CACNA1B: variants seen among roughly 807,000 people sequenced by gnomAD.
CACNA1B encodes voltage-dependent N-type calcium channel subunit alpha-1B.
Under a neutral mutation model 247.2 loss-of-function variants are expected in CACNA1B, and 70 were observed. The observed-to-expected ratio is 0.28, with a 90% CI of 0.23 to 0.35. The LOEUF (loss-of-function observed/expected upper bound fraction) is 0.35, where lower values mean the gene tolerates loss of function less well. CACNA1B is among the 10% of genes least tolerant of loss of function. The pLI, the probability that CACNA1B is intolerant of heterozygous loss-of-function variation, is 1.00. For synonymous variants in CACNA1B, 1,231 were observed against 1,294.4 expected, an observed-to-expected ratio of 0.95 and a Z score of 1.05; for missense variants, 2,367 against 3,197.4, an observed-to-expected ratio of 0.74 and a Z score of 6.26.
In CACNA1B at chr9:138,050,633, G is replaced by C. The variant is rs768047156; in HGVS notation, c.3710+1318G>C. Among the ~76,000 whole-genome samples, 1 of 152,212 alleles carries C rather than the reference G, an allele frequency of 6.6e-6. No individual in the cohort carries two copies. The highest frequency in any genetic ancestry group is 1.5e-5 in the Non-Finnish European group (1 of 68,032). On this transcript the variant is annotated intron_variant, in intron 24 of 46. Transcript: ENST00000371372. This position sits in a 1 kb window ranked among gnomAD's most constrained non-coding sequence, Gnocchi z 5.2. The stretch of plus-strand genomic sequence containing the variant: ...CCAGTCAGGAGGAGGGGAAGGGGTT[G>C]GGCCCATCCAGGCGGCTTCAGAGCA...
chr9:137,937,786 A>C (rs1054152607), intron 6 of CACNA1B, among the ~76,000 whole-genome samples: 1 of 151,910 alleles, frequency 6.6e-6, no homozygotes, highest in Non-Finnish European at 1.5e-5. Flanking sequence ...TGTCTACTAA[A>C]AATAGAAAAA....
At chr9:137,972,277 C>G (rs1021995883) in intron 11 of CACNA1B, among the ~76,000 whole-genome samples, 1 of 149,434 alleles carries the variant, frequency 6.7e-6, no homozygotes, top group Non-Finnish European at 1.5e-5. Flanking sequence ...AGGATCAAAA[C>G]CAAAGAGTCC....
chr9:138,033,862 G>A (rs888549998), intron 20 of CACNA1B, among the ~76,000 whole-genome samples: 1 of 152,104 alleles, frequency 6.6e-6, no homozygotes, highest in Non-Finnish European at 1.5e-5. Context: ...TTGACACGTG[G>A]GGATTATAGG....
At chr9:137,916,485 C>T (rs562043793) in intron 5 of CACNA1B, among the ~76,000 whole-genome samples, 49 of 152,266 alleles carry the variant, frequency 3.2e-4, no homozygotes, top group African/African-American at 1.0e-3. Context: ...GCTGCCTGCT[C>T]GGTTTCAGCA....
Position 137,957,387 on chromosome 9 carries a change from A to AC in CACNA1B, c.1244-207dup, listed in dbSNP as rs1264077178. Among the ~76,000 whole-genome samples the AC allele has an allele frequency of 1.3e-5, 2 of 151,940 alleles. No individual in the cohort carries two copies. The highest frequency in any genetic ancestry group is 2.9e-5 in the Non-Finnish European group (2 of 67,962). Reference sequence around the variant, plus strand: ...ATTTTGGAAGAAAGGGAAAGCGGGGACCCCTCACCCTCAAAATTCCTTGTC... The same window carrying AC: ...ATTTTGGAAGAAAGGGAAAGCGGGGACCCCCTCACCCTCAAAATTCCTTGTC... On this transcript the variant is annotated intron_variant, in intron 9 of 46. Transcript: ENST00000371372. This position sits in a 1 kb window ranked among gnomAD's most constrained non-coding sequence, Gnocchi z 4.7.
intron 3 of CACNA1B, chr9:137,892,094 C>T: frequency 2.2e-6 from 1 of 457,208 alleles, no homozygotes; most frequent in Non-Finnish European, 4.4e-6. Flanking sequence ...TGCCCTCCTC[C>T]CTCCCCGAGA....
chr9:138,064,032 C>T (rs139690800), intron 31 of CACNA1B, among the ~76,000 whole-genome samples: 2 of 152,178 alleles, frequency 1.3e-5, no homozygotes, highest in African/African-American at 2.4e-5. Flanking sequence ...CCTGGGCACA[C>T]GAGACCACTG....
intron 6 of CACNA1B, among the ~76,000 whole-genome samples, chr9:137,927,471 C>T (rs562795592): frequency 1.3e-5 from 2 of 152,276 alleles, no homozygotes; most frequent in African/African-American, 2.4e-5. Context: ...GATCCGCCCA[C>T]CTCGGATTTG....
At position 138,025,719 on chromosome 9, in the gene CACNA1B, C is replaced by G. The variant is rs76767977; in HGVS notation, c.3286+547C>G. ...TGCTCACTCACATGCTCGGAACAGC[C>G]TTTCCATGCCTGCCTGTGTGCAGTC... On this transcript the variant is annotated intron_variant, in intron 20 of 46. Coordinates refer to ENST00000371372, the MANE Select transcript of CACNA1B (RefSeq NM_000718.4). Among the ~76,000 whole-genome samples, 429 of 152,326 alleles carry G rather than the reference C, an allele frequency of 2.8e-3. 5 individuals carry two copies. The East Asian group carries it at 0.042, about 15-fold the overall frequency.
intron 6 of CACNA1B, among the ~76,000 whole-genome samples, chr9:137,934,357 C>T (rs1316158401): frequency 6.6e-6 from 1 of 152,214 alleles, no homozygotes; most frequent in African/African-American, 2.4e-5. Context: ...AATAGTTGAG[C>T]AGGTGATCCC....
intron 1 of CACNA1B, among the ~76,000 whole-genome samples, 173 bp from the exon 2 acceptor site, chr9:137,878,881 G>A (rs1244622310): frequency 1.3e-5 from 2 of 152,178 alleles, no homozygotes; most frequent in Non-Finnish European, 2.9e-5. Context: ...CCTAGGGATG[G>A]GGGCAGGGAG....
chr9:137,988,525 T>A (rs1958394488), intron 15 of CACNA1B, among the ~76,000 whole-genome samples: 1 of 152,086 alleles, frequency 6.6e-6, no homozygotes, highest in Non-Finnish European at 1.5e-5. Flanking sequence ...CAGATGATGC[T>A]CTGATTCAGA....
intron 6 of CACNA1B, among the ~76,000 whole-genome samples, chr9:137,920,430 C>A (rs1191365510): frequency 6.6e-6 from 1 of 152,188 alleles, no homozygotes; most frequent in Non-Finnish European, 1.5e-5. Flanking sequence ...CTCCTGACCT[C>A]AAGTGATCTA....
rs118052843 is a variant in CACNA1B, at chr9:137,897,742, C to T, written c.530+14859C>T. Among the ~76,000 whole-genome samples, 1,065 of 151,642 alleles carry T rather than the reference C, an allele frequency of 7.0e-3. 26 individuals are homozygous for T. The East Asian group carries it at 0.091, about 13-fold the overall frequency. ...TATTATTATTATTATATTTTTGCAG[C>T]GATCTCAGCTCACTGCAACCTCTGC... On this transcript the variant is annotated intron_variant, in intron 3 of 46. Coordinates refer to ENST00000371372, the MANE Select transcript of CACNA1B (RefSeq NM_000718.4).
chr9:138,058,510 A>G lies in CACNA1B; in HGVS notation c.4309-59A>G, dbSNP rs1959597080. ...CTGGCGAGACAGGGCTGGGTGCAGT[A>G]GATGCCGTCGGGTAGGTTTTCTGCT... On this transcript the variant is annotated intron_variant, in intron 28 of 46. Transcript: ENST00000371372. The surrounding 1 kb of genome is among the most constrained non-coding windows in gnomAD (Gnocchi z 4.7). 6.7e-7 allele frequency: 1 copy of G among 1,483,408 alleles called. No individual in the cohort carries two copies. The highest frequency in any genetic ancestry group is 9.2e-7 in the Non-Finnish European group (1 of 1,086,860). The allele number at this position is 1,483,408 out of a possible 1,614,324, so 91.9% of individuals were successfully genotyped here. A position where few individuals can be genotyped will look rare whatever the true frequency, so the allele number is the denominator to read the frequency against.
rs116872245 is a variant in CACNA1B, at chr9:138,084,302, T to A, written c.5094+6044T>A. Among the ~76,000 whole-genome samples, 8 of 151,268 alleles carry A rather than the reference T, an allele frequency of 5.3e-5. 2 individuals carry two copies. The East Asian group carries it at 1.4e-3, about 27-fold the overall frequency. ...GGAACCCAGTGGTGCTGCAGCTGAT[T>A]GCAGGCCATTAGACCTGATACCAAG... On this transcript the variant is annotated intron_variant, in intron 36 of 46. Transcript: ENST00000371372.
In CACNA1B at chr9:137,940,959, AC is replaced by A. The variant is rs543207725; in HGVS notation, c.967-11314del. ...ATGACAAACCCACAGTCAACATAAT[AC>A]AGAATGGGGAAAAGTTGAAAGCATT... On this transcript the variant is annotated intron_variant, in intron 6 of 46. Transcript: ENST00000371372. Among the ~76,000 whole-genome samples the A allele has an allele frequency of 3.0e-3, 456 of 152,290 alleles. 4 individuals are homozygous for A. Among genetic ancestry groups the A allele is most frequent in the African/African-American group, 0.01 (435 of 41,568 alleles).
chr9:138,023,918 G>A (rs1589075654), intron 19 of CACNA1B, 107 bp downstream of exon 19: 1 of 626,846 alleles, frequency 1.6e-6, no homozygotes, highest in African/African-American at 2.0e-5. Flanking sequence ...TGCAGCCCCG[G>A]CCACGCTGCC....
intron 15 of CACNA1B, among the ~76,000 whole-genome samples, chr9:137,994,933 A>C (rs1413016920): frequency 6.6e-6 from 1 of 152,190 alleles, no homozygotes; most frequent in Non-Finnish European, 1.5e-5. Context: ...GGCCAGGTGC[A>C]GTGGCTCTTG....
Sources: gnomAD v4.1 joint callset for allele counts (sites outside exome capture counted in the v4.1 genomes callset) on GRCh38, gnomAD v4.1.1 for gene constraint, Gnocchi (gnomAD v3.1) non-coding constraint, MANE v1.5 for transcripts, NCBI Gene and HGNC (gene_info 2026-07-23, HGNC 2026-07-21) for gene names.